Variants in FLT1 observed in about 807,000 individuals in gnomAD.
FLT1 encodes vascular endothelial growth factor receptor 1.
FLT1 carries 49 observed loss-of-function variants against 156.3 expected under a neutral mutation model. The ratio of observed to expected loss-of-function variants is 0.31; its 90% confidence interval spans 0.25 to 0.40. FLT1 has a LOEUF of 0.40. Ranked by LOEUF, FLT1 falls within the 10% of genes least tolerant of loss-of-function variation. FLT1 has a pLI of 1.00. For missense variants in FLT1, 1,322 were observed against 1,637.2 expected (o/e 0.81, Z 3.32); for synonymous variants, 594 against 583.8 (o/e 1.02, Z -0.25).
intron 3 of FLT1, among the ~76,000 whole-genome samples, chr13:28,460,079 T>C (rs1263943726): frequency 6.6e-6 from 1 of 152,216 alleles, no homozygotes; most frequent in Non-Finnish European, 1.5e-5. Flanking sequence ...GTCTGGCAGA[T>C]TGGGCAACAA....
At chr13:28,403,718 A>G (rs965997411) in intron 11 of FLT1, among the ~76,000 whole-genome samples, 1 of 152,218 alleles carries the variant, frequency 6.6e-6, no homozygotes, top group Non-Finnish European at 1.5e-5. Flanking sequence ...TTTGCTGTTC[A>G]CTGCTAATAA....
chr13:28,355,704 C>G (rs943296065), intron 15 of FLT1, among the ~76,000 whole-genome samples: 4 of 152,184 alleles, frequency 2.6e-5, no homozygotes, highest in Non-Finnish European at 5.9e-5. Context: ...CGTTATGTGG[C>G]AAGTCCGGCT....
At chr13:28,400,807 T>C (rs978074792) in intron 11 of FLT1, among the ~76,000 whole-genome samples, 1 of 152,240 alleles carries the variant, frequency 6.6e-6, no homozygotes, top group Non-Finnish European at 1.5e-5. Flanking sequence ...TTCTATAAGG[T>C]ATGCAAAAAT....
intron 16 of FLT1, among the ~76,000 whole-genome samples, chr13:28,342,902 G>A (rs542160005): frequency 3.1e-4 from 47 of 152,068 alleles, no homozygotes; most frequent in African/African-American, 1.1e-3. Context: ...AAATATCCTT[G>A]ACTCTAATCA....
At chr13:28,492,843 T>C (rs1881543021) in intron 1 of FLT1, among the ~76,000 whole-genome samples, 1 of 152,190 alleles carries the variant, frequency 6.6e-6, no homozygotes, top group Non-Finnish European at 1.5e-5. Context: ...GCACCCATGA[T>C]GCCGACTGAG....
At chr13:28,320,956 A>G (rs1460209874) in intron 23 of FLT1, among the ~76,000 whole-genome samples, 1 of 152,158 alleles carries the variant, frequency 6.6e-6, no homozygotes, top group African/African-American at 2.4e-5. Flanking sequence ...AAGAGAAGCC[A>G]GTACGAGCCA....
chr13:28,480,369 C>G (rs1880767149), intron 1 of FLT1, among the ~76,000 whole-genome samples: 1 of 152,026 alleles, frequency 6.6e-6, no homozygotes. Context: ...GCATGGACAA[C>G]AGATAAATAA....
intron 16 of FLT1, among the ~76,000 whole-genome samples, chr13:28,343,802 C>G (rs1872447150): frequency 6.6e-6 from 1 of 151,902 alleles, no homozygotes; most frequent in Admixed American, 6.6e-5. Flanking sequence ...TCCACCACGC[C>G]CGGCTAATTT....
At chr13:28,344,827 A>T (rs1872504464) in intron 16 of FLT1, among the ~76,000 whole-genome samples, 1 of 92,636 alleles carries the variant, frequency 1.1e-5, no homozygotes, top group Non-Finnish European at 2.0e-5. Context: ...TTTTTTTGAG[A>T]CAGGGTCTCA....
chr13:28,473,683 G>A (rs1474762217), intron 1 of FLT1, among the ~76,000 whole-genome samples: 3 of 144,602 alleles, frequency 2.1e-5, no homozygotes, highest in African/African-American at 7.8e-5. Flanking sequence ...GAGAGAGAGA[G>A]AGAGAGAGAG....
intron 1 of FLT1, among the ~76,000 whole-genome samples, chr13:28,489,040 GC>G: frequency 6.6e-6 from 1 of 152,346 alleles, no homozygotes; most frequent in African/African-American, 2.4e-5. Flanking sequence ...AGTGACCAGA[GC>G]CTGGCTTTGG....
chr13:28,424,476 C>T lies in FLT1; in HGVS notation c.1436+2683G>A, dbSNP rs190056519. 5.8e-3 allele frequency among the ~76,000 whole-genome samples: 883 copies of T among 152,182 alleles called. 13 individuals carry two copies. Among genetic ancestry groups the T allele is most frequent in the African/African-American group, 0.02 (841 of 41,514 alleles). On this transcript the variant is annotated intron_variant, in intron 10 of 29. Transcript: ENST00000282397. ...CTTTTTTTTTAAAGGGTGACATTTT[C>T]AGTTGAACTATCGGTAGTTATAATA...
intron 10 of FLT1, among the ~76,000 whole-genome samples, chr13:28,421,106 A>G (rs1023910031): frequency 1.3e-5 from 2 of 152,012 alleles, no homozygotes; most frequent in East Asian, 1.9e-4. Flanking sequence ...GTGCACACGA[A>G]GAGTGTTTCA....
intron 15 of FLT1, among the ~76,000 whole-genome samples, chr13:28,353,682 C>T (rs1013625172): frequency 5.9e-5 from 9 of 151,958 alleles, no homozygotes; most frequent in Non-Finnish European, 1.0e-4. Flanking sequence ...CCATTGAGTT[C>T]CAGGGCTACT....
chr13:28,438,874 G>A (rs942407081), intron 3 of FLT1, among the ~76,000 whole-genome samples: 4 of 152,268 alleles, frequency 2.6e-5, no homozygotes, highest in South Asian at 2.1e-4. Flanking sequence ...ACTTTTCCTC[G>A]GAGGCTAATA....
intron 15 of FLT1, among the ~76,000 whole-genome samples, chr13:28,349,856 T>A (rs1872687354): frequency 6.6e-6 from 1 of 152,372 alleles, no homozygotes; most frequent in Non-Finnish European, 1.5e-5. Flanking sequence ...AGGAAAGATC[T>A]ATTTAATATT....
chr13:28,493,580 G>A (rs1304084468), intron 1 of FLT1, among the ~76,000 whole-genome samples: 1 of 152,120 alleles, frequency 6.6e-6, no homozygotes, highest in Non-Finnish European at 1.5e-5. Context: ...GGGAATCATT[G>A]CAATGACTTA....
intron 3 of FLT1, among the ~76,000 whole-genome samples, chr13:28,459,338 A>C (rs1329654199): frequency 6.6e-6 from 1 of 151,860 alleles, no homozygotes; most frequent in Non-Finnish European, 1.5e-5. Context: ...CAGGGACTCA[A>C]GCGACTCTAT....
intron 10 of FLT1, among the ~76,000 whole-genome samples, chr13:28,409,613 G>A (rs762562433): frequency 4.6e-5 from 7 of 152,136 alleles, no homozygotes; most frequent in Non-Finnish European, 1.0e-4. Flanking sequence ...GAGATTACAG[G>A]TGTGAGCCAA....
Sources: allele counts gnomAD v4.1 joint callset (sites outside exome capture counted in the v4.1 genomes callset), GRCh38; gene constraint gnomAD v4.1.1; transcripts MANE v1.5; gene names NCBI Gene and HGNC (gene_info 2026-07-23, HGNC 2026-07-21).